Variants in NSMCE2 observed in about 807,000 individuals in gnomAD.
NSMCE2 encodes NSE2 SUMO ligase component of SMC5/6 complex, also known as E3 SUMO-protein ligase NSE2.
NSMCE2 carries 24 observed loss-of-function variants against 23.8 expected under a neutral mutation model. The observed-to-expected ratio is 1.01, with a 90% CI of 0.73 to 1.42. The LOEUF (loss-of-function observed/expected upper bound fraction) is 1.42. Ranked by LOEUF, NSMCE2 falls within the 40% of genes most tolerant of loss-of-function variation. The pLI, the probability that NSMCE2 is intolerant of heterozygous loss-of-function variation, is 0.00. For missense variants in NSMCE2, 284 were observed against 296.5 expected, an observed-to-expected ratio of 0.96 and a Z score of 0.31; for synonymous variants, 92 against 94.1, an observed-to-expected ratio of 0.98 and a Z score of 0.13.
Position 125,199,864 on chromosome 8 carries a change from G to A in NSMCE2, c.418+17608G>A, listed in dbSNP as rs570177923. ...GCTTTATGAATCTGGGTGCGCCTGT[G>A]TTGGGTGCATATATATTTAGAATGG... On this transcript the variant is annotated intron_variant, in intron 5 of 7. Coordinates refer to ENST00000287437, the MANE Select transcript of NSMCE2 (RefSeq NM_173685.4). 3.1e-3 allele frequency among the ~76,000 whole-genome samples: 467 copies of A among 152,228 alleles called. 3 individuals are homozygous for A. The highest frequency in any genetic ancestry group is 0.011 in the African/African-American group (449 of 41,528).
intron 3 of NSMCE2, among the ~76,000 whole-genome samples, chr8:125,107,993 G>T (rs984725512): frequency 6.6e-6 from 1 of 151,842 alleles, no homozygotes; most frequent in Non-Finnish European, 1.5e-5. Context: ...GAGATCACAC[G>T]ACTGTACTCC....
At chr8:125,279,596 G>A (rs542823734) in intron 5 of NSMCE2, among the ~76,000 whole-genome samples, 1 of 152,316 alleles carries the variant, frequency 6.6e-6, no homozygotes, top group African/African-American at 2.4e-5. Flanking sequence ...GTGGCAAAAT[G>A]CGAAAGATAG....
chr8:125,102,073 G>C lies in NSMCE2; in HGVS notation c.-88G>C, dbSNP rs912346836. The C allele has an allele frequency of 8.2e-5, 31 of 378,006 alleles. No individual in the cohort carries two copies. The highest frequency in any genetic ancestry group is 6.0e-4 in the African/African-American group (30 of 49,640). The allele number at this position is 378,006 out of a possible 1,614,324, so 23.4% of individuals were successfully genotyped here. A position where few individuals can be genotyped will look rare whatever the true frequency, so the allele number is the denominator to read the frequency against. On this transcript the variant is annotated 5_prime_UTR_variant, in exon 2 of 8. Transcript: ENST00000287437. ...CAGAATCAAGCACTCTTTTGGAAGA[G>C]GGTAATCTCTCTCCAAAAACTGAGG...
chr8:125,234,500 G>C (rs894468810), intron 5 of NSMCE2, among the ~76,000 whole-genome samples: 2 of 152,130 alleles, frequency 1.3e-5, no homozygotes, highest in Non-Finnish European at 2.9e-5. Flanking sequence ...ATACAAGAAT[G>C]CCAGGATAAT....
chr8:125,251,554 G>C (rs1170279648), intron 5 of NSMCE2, among the ~76,000 whole-genome samples: 1 of 152,156 alleles, frequency 6.6e-6, no homozygotes. Flanking sequence ...GTGAGAGCTA[G>C]AAAATAGATT....
At chr8:125,159,496 C>G (rs551561159) in intron 4 of NSMCE2, among the ~76,000 whole-genome samples, 39 of 152,250 alleles carry the variant, frequency 2.6e-4, no homozygotes, top group African/African-American at 9.4e-4. Context: ...AATAGGCTTA[C>G]TATAGAGCCC....
At chr8:125,301,644 T>A (rs1828566909) in intron 5 of NSMCE2, among the ~76,000 whole-genome samples, 1 of 142,286 alleles carries the variant, frequency 7.0e-6, no homozygotes, top group Non-Finnish European at 1.5e-5. Context: ...GAGTTTTCCA[T>A]ACAAGCCATT....
intron 5 of NSMCE2, among the ~76,000 whole-genome samples, chr8:125,233,952 G>A (rs972459137): frequency 2.7e-5 from 4 of 150,740 alleles, no homozygotes; most frequent in East Asian, 1.9e-4. Context: ...TGAGGCAGGC[G>A]GATCATGAAG....
intron 5 of NSMCE2, among the ~76,000 whole-genome samples, chr8:125,214,294 A>T (rs763157269): frequency 1.3e-5 from 2 of 152,230 alleles, no homozygotes; most frequent in Non-Finnish European, 2.9e-5. Context: ...AAGACAAGTC[A>T]TAAGTCAGAG....
intron 5 of NSMCE2, among the ~76,000 whole-genome samples, chr8:125,334,287 C>T (rs973826221): frequency 7.9e-5 from 12 of 152,186 alleles, no homozygotes; most frequent in African/African-American, 2.4e-5. Flanking sequence ...TAAATGCATG[C>T]GTTAAGTACT....
intron 5 of NSMCE2, among the ~76,000 whole-genome samples, chr8:125,285,754 A>ATG (rs1444750136): frequency 1.9e-4 from 5 of 26,984 alleles, no homozygotes; most frequent in African/African-American, 3.3e-4. Flanking sequence ...CTTCATACAC[A>ATG]CGCACACACA....
chr8:125,339,323 G>A (rs1174212456), intron 5 of NSMCE2, among the ~76,000 whole-genome samples: 3 of 152,072 alleles, frequency 2.0e-5, no homozygotes, highest in Non-Finnish European at 4.4e-5. Flanking sequence ...GTATGCTAAT[G>A]GCACTGTCTG....
intron 5 of NSMCE2, among the ~76,000 whole-genome samples, chr8:125,351,165 T>C (rs1352807716): frequency 6.6e-6 from 1 of 152,158 alleles, no homozygotes; most frequent in Non-Finnish European, 1.5e-5. Context: ...GCAGAGCTGC[T>C]TGGCTCTTCC....
chr8:125,126,535 T>A (rs2130533242), intron 3 of NSMCE2, among the ~76,000 whole-genome samples: 1 of 152,242 alleles, frequency 6.6e-6, no homozygotes, highest in South Asian at 2.1e-4. Context: ...TATTATAGCT[T>A]CAGCACTTAC....
intron 5 of NSMCE2, among the ~76,000 whole-genome samples, chr8:125,320,259 A>AG (rs370830181): frequency 0.079 from 6,071 of 76,502 alleles, 272 homozygotes; most frequent in East Asian, 0.15. Flanking sequence ...GAGGGAAGGA[A>AG]GGAAGGAAGG....
At chr8:125,228,350 A>G (rs1264688483) in intron 5 of NSMCE2, among the ~76,000 whole-genome samples, 3 of 152,242 alleles carry the variant, frequency 2.0e-5, no homozygotes, top group Admixed American at 1.3e-4. Flanking sequence ...TAAAAGAAGA[A>G]AAGTATGCTT....
intron 5 of NSMCE2, among the ~76,000 whole-genome samples, chr8:125,230,079 A>G (rs1825258738): frequency 6.6e-6 from 1 of 152,238 alleles, no homozygotes; most frequent in Non-Finnish European, 1.5e-5. Context: ...TGTAGCATAT[A>G]ACACAAATAT....
intron 5 of NSMCE2, among the ~76,000 whole-genome samples, chr8:125,342,077 G>A (rs917640371): frequency 6.6e-6 from 1 of 152,100 alleles, no homozygotes; most frequent in Non-Finnish European, 1.5e-5. Flanking sequence ...TTTCCTAGAG[G>A]AAGGCAGTGG....
intron 5 of NSMCE2, among the ~76,000 whole-genome samples, chr8:125,334,472 C>T (rs1829999628): frequency 6.6e-6 from 1 of 152,098 alleles, no homozygotes; most frequent in South Asian, 2.1e-4. Flanking sequence ...ACCCATTCTG[C>T]GCCCCTGGCT....
Sources: allele counts gnomAD v4.1 joint callset (sites outside exome capture counted in the v4.1 genomes callset), GRCh38; gene constraint gnomAD v4.1.1; transcripts MANE v1.5; gene names NCBI Gene and HGNC (gene_info 2026-07-23, HGNC 2026-07-21).